The following ADAMTSL1 variants were observed in gnomAD, a reference collection of about 807,000 sequenced individuals.
ADAMTSL1 encodes ADAMTS like 1.
A neutral mutation model predicts 201.8 loss-of-function variants in ADAMTSL1; 126 were observed. The observed-to-expected ratio is 0.62, with a 90% confidence interval of 0.54 to 0.72. The LOEUF is 0.72. Ranked by LOEUF, ADAMTSL1 falls within the 30% of genes least tolerant of loss-of-function variation. The pLI is 0.00. For missense variants in ADAMTSL1, 2,679 were observed against 2,277.8 expected (o/e 1.18, Z -3.59); for synonymous variants, 1,121 against 903.4 (o/e 1.24, Z -4.32).
chr9:18,420,111 G>A (rs559412021), intron 2 of ADAMTSL1, among the ~76,000 whole-genome samples: 6 of 152,296 alleles, frequency 3.9e-5, no homozygotes, highest in East Asian at 1.9e-4. Context: ...TTACAGTTTC[G>A]CCAAATAGGA....
At chr9:18,413,264 A>G (rs1444404946) in intron 2 of ADAMTSL1, among the ~76,000 whole-genome samples, 1 of 150,870 alleles carries the variant, frequency 6.6e-6, no homozygotes, top group African/African-American at 2.4e-5. Flanking sequence ...TCCTAGGTTC[A>G]AATGATTCTC....
chr9:18,246,957 C>T (rs1483358291), intron 2 of ADAMTSL1, among the ~76,000 whole-genome samples: 1 of 152,150 alleles, frequency 6.6e-6, no homozygotes, highest in East Asian at 1.9e-4. Context: ...AATTCAGGAA[C>T]TCCTAACCTC....
chr9:18,898,371 AATCACAAGT>A (rs1195818796), intron 26 of ADAMTSL1, among the ~76,000 whole-genome samples: 1 of 152,236 alleles, frequency 6.6e-6, no homozygotes, highest in Non-Finnish European at 1.5e-5. Context: ...TTCACAATGC[AATCACAAGT>A]ATCAATAGCG....
intron 2 of ADAMTSL1, among the ~76,000 whole-genome samples, chr9:18,397,640 A>G (rs1817808294): frequency 6.6e-6 from 1 of 152,196 alleles, no homozygotes; most frequent in East Asian, 1.9e-4. Context: ...TTCAGTCTGA[A>G]TTCATGAAAG....
intron 2 of ADAMTSL1, among the ~76,000 whole-genome samples, chr9:18,346,864 G>T (rs1222739594): frequency 6.6e-6 from 1 of 152,170 alleles, no homozygotes; most frequent in Non-Finnish European, 1.5e-5. Flanking sequence ...CACATGGGCA[G>T]ATCCCAAAAC....
At chr9:18,523,025 C>A (rs962469665) in intron 2 of ADAMTSL1, among the ~76,000 whole-genome samples, 8 of 152,140 alleles carry the variant, frequency 5.3e-5, no homozygotes, top group African/African-American at 1.9e-4. Flanking sequence ...CACTGTCTTC[C>A]ACAATGGTTG....
intron 23 of ADAMTSL1, among the ~76,000 whole-genome samples, chr9:18,863,332 G>A (rs1476949222): frequency 3.9e-5 from 6 of 152,192 alleles, no homozygotes; most frequent in Non-Finnish European, 7.3e-5. Flanking sequence ...TCTACCAGAT[G>A]CCCAGGATCA....
intron 4 of ADAMTSL1, among the ~76,000 whole-genome samples, chr9:18,602,983 A>C: frequency 6.6e-6 from 1 of 152,192 alleles, no homozygotes; most frequent in East Asian, 1.9e-4. Context: ...AGAGGTAAAA[A>C]ATGAGGTAAA....
In ADAMTSL1 at chr9:18,283,916, T is replaced by TAAAAAAAAAAA. The variant is rs71333034; in HGVS notation, c.207+119939_207+119949dup. On this transcript the variant is annotated intron_variant, in intron 2 of 29. Coordinates refer to the ADAMTSL1 transcript ENST00000680146. ...CTGGGCAACAGAGCAAGACTCCGTC[T>TAAAAAAAAAAA]AAAAAAAAAAAAAAGAAGAAGAAGA... 6.8e-4 allele frequency among the ~76,000 whole-genome samples: 18 copies of TAAAAAAAAAAA among 26,592 alleles called. No homozygotes were observed. In the South Asian group the frequency reaches 6.8e-3, roughly 10 times the overall value. 17.4% of individuals were successfully genotyped at this position (26,592 alleles called of 152,430 possible).
chr9:18,549,116 G>T lies in ADAMTSL1; in HGVS notation c.237+15824G>T, dbSNP rs182931052. On this transcript the variant is annotated intron_variant, in intron 3 of 28. Coordinates refer to ENST00000380548, the MANE Select transcript of ADAMTSL1 (RefSeq NM_001040272.6). ...AAAAAATAGTTATCAGACTAAAGTT[G>T]CAATGAAAGTGCTGAACAGGAAAAA... is the stretch of plus-strand genomic sequence containing the variant. Among the ~76,000 whole-genome samples, 28 of 152,038 alleles carry T rather than the reference G, an allele frequency of 1.8e-4. 1 individual carries two copies. Among genetic ancestry groups the T allele is most frequent in the South Asian group, 1.2e-3 (6 of 4,824 alleles).
chr9:18,406,887 C>G (rs2133292847), intron 2 of ADAMTSL1, among the ~76,000 whole-genome samples: 1 of 152,170 alleles, frequency 6.6e-6, no homozygotes, highest in African/African-American at 2.4e-5. Context: ...ATTTGTAAAA[C>G]AGGGGTCATA....
intron 1 of ADAMTSL1, among the ~76,000 whole-genome samples, chr9:18,105,611 T>G (rs1421656618): frequency 6.6e-6 from 1 of 152,136 alleles, no homozygotes; most frequent in Non-Finnish European, 1.5e-5. Flanking sequence ...GCAACAAGAA[T>G]GCAGAAAGTA....
intron 16 of ADAMTSL1, among the ~76,000 whole-genome samples, chr9:18,763,809 G>C (rs1200571343): frequency 1.3e-4 from 20 of 151,966 alleles, no homozygotes; most frequent in Admixed American, 1.3e-3. Context: ...CTGTAGTTTT[G>C]TTTCTGGGTT....
intron 2 of ADAMTSL1, among the ~76,000 whole-genome samples, chr9:18,356,932 C>G (rs1563909437): frequency 6.6e-6 from 1 of 152,164 alleles, no homozygotes; most frequent in Non-Finnish European, 1.5e-5. Context: ...GTCCATCACT[C>G]CTAGTACAAC....
chr9:18,401,887 G>A (rs904463016), intron 2 of ADAMTSL1, among the ~76,000 whole-genome samples: 1 of 152,144 alleles, frequency 6.6e-6, no homozygotes, highest in Non-Finnish European at 1.5e-5. Flanking sequence ...GGGTATGGGG[G>A]CAAGCAGGCT....
At chr9:18,017,483 A>G (rs1259332763) in intron 1 of ADAMTSL1, among the ~76,000 whole-genome samples, 1 of 151,994 alleles carries the variant, frequency 6.6e-6, no homozygotes, top group East Asian at 1.9e-4. Flanking sequence ...AGGATAGACC[A>G]TCAAGGAAAT....
chr9:18,170,537 A>G (rs1325987022), intron 2 of ADAMTSL1, among the ~76,000 whole-genome samples: 1 of 152,114 alleles, frequency 6.6e-6, no homozygotes, highest in Non-Finnish European at 1.5e-5. Context: ...ACTCAAAGAT[A>G]TAAAGTTAAT....
chr9:18,436,307 T>C (rs139741731), intron 2 of ADAMTSL1, among the ~76,000 whole-genome samples: 66 of 152,262 alleles, frequency 4.3e-4, no homozygotes, highest in African/African-American at 1.3e-3. Flanking sequence ...CACCTCTCTA[T>C]GGTCAGTGTC....
At chr9:18,839,726 A>C (rs10756993) in intron 23 of ADAMTSL1, among the ~76,000 whole-genome samples, 152,185 of 152,196 alleles carry the variant, frequency 1, 76,087 homozygotes, top group Middle Eastern at 1. Context: ...GATTGCCATT[A>C]CTAACTGGTG....
Sources: allele counts gnomAD v4.1 joint callset (sites outside exome capture counted in the v4.1 genomes callset), GRCh38; gene constraint gnomAD v4.1.1; transcripts MANE v1.5; gene names NCBI Gene and HGNC (gene_info 2026-07-23, HGNC 2026-07-21).